The following HSF2BP variants were observed in gnomAD, a reference collection of about 807,000 sequenced individuals.
HSF2BP encodes the protein heat shock factor 2-binding protein.
Under a neutral mutation model 35.0 loss-of-function variants are expected in HSF2BP, and 35 were observed. That is an observed-to-expected ratio of 1.00 (90% CI 0.76 to 1.32). HSF2BP has a LOEUF of 1.32. HSF2BP is among the 40% of genes most tolerant of loss of function. The pLI is 0.00. For synonymous variants in HSF2BP, 114 were observed against 117.4 expected, an observed-to-expected ratio of 0.97 and a Z score of 0.18; for missense variants, 326 against 321.7, an observed-to-expected ratio of 1.01 and a Z score of -0.10.
chr21:43,626,106 A>G (rs902391656), intron 6 of HSF2BP, among the ~76,000 whole-genome samples: 1 of 152,232 alleles, frequency 6.6e-6, no homozygotes, highest in East Asian at 1.9e-4. Context: ...GCCATGATGA[A>G]CGTATAGAAT....
chr21:43,599,686 C>T (rs779168917), intron 7 of HSF2BP, among the ~76,000 whole-genome samples: 5 of 151,514 alleles, frequency 3.3e-5, no homozygotes, highest in East Asian at 1.9e-4. Flanking sequence ...CCCAGCTACT[C>T]GGGAGGCTGA....
intron 6 of HSF2BP, among the ~76,000 whole-genome samples, chr21:43,626,310 C>T (rs973729322): frequency 2.0e-5 from 3 of 151,948 alleles, no homozygotes; most frequent in Non-Finnish European, 2.9e-5. Flanking sequence ...GAGAATTTTC[C>T]TAAGAACAGC....
At chr21:43,658,883 G>A (rs554055913) in intron 1 of HSF2BP, among the ~76,000 whole-genome samples, 2 of 152,290 alleles carry the variant, frequency 1.3e-5, no homozygotes, top group African/African-American at 2.4e-5. Context: ...CCCCAGTGCC[G>A]GCCTTTCCTT....
At chr21:43,584,823 C>T (rs1385134012) in intron 8 of HSF2BP, among the ~76,000 whole-genome samples, 1 of 152,144 alleles carries the variant, frequency 6.6e-6, no homozygotes. Context: ...TCTCAGGATG[C>T]TCACCTGAGG....
At chr21:43,606,260 C>G (rs563023883) in intron 7 of HSF2BP, among the ~76,000 whole-genome samples, 63 of 152,078 alleles carry the variant, frequency 4.1e-4, no homozygotes, top group African/African-American at 1.4e-3. Flanking sequence ...GACGAGAGTC[C>G]GTGCACACAA....
intron 6 of HSF2BP, among the ~76,000 whole-genome samples, chr21:43,627,881 T>G (rs569096647): frequency 2.0e-5 from 3 of 152,238 alleles, no homozygotes; most frequent in African/African-American, 7.2e-5. Flanking sequence ...ATTCTTGCAA[T>G]AGTTGAAACT....
At position 43,656,704 on chromosome 21, in the gene HSF2BP, T is replaced by G. The variant is rs767042536; in HGVS notation, c.70A>C (p.Arg24=). ...MGTKEEFVKV[R]KKDLERLTTE... ...GTCAGCCGTTCCAGATCCTTCTTTC[T>G]GACTTTAACAAATTCCTCTTTAGTT... Residue 24 remains arginine, a synonymous_variant, in exon 3 of 9, where the codon AGA becomes CGA. Transcript: ENST00000291560. 6.2e-7 allele frequency: 1 copy of G among 1,613,996 alleles called. No individual in the cohort carries two copies. The highest frequency in any genetic ancestry group is 1.1e-5 in the South Asian group (1 of 91,012).
chr21:43,580,623 C>T (rs2081713840), intron 8 of HSF2BP, among the ~76,000 whole-genome samples: 2 of 152,186 alleles, frequency 1.3e-5, no homozygotes, highest in South Asian at 4.1e-4. Context: ...AAGATAAAAA[C>T]CACATTTTGT....
At chr21:43,582,143 T>G in intron 8 of HSF2BP, among the ~76,000 whole-genome samples, 1 of 99,578 alleles carries the variant, frequency 1.0e-5, no homozygotes, top group South Asian at 4.1e-4. Context: ...GATGAGGGCC[T>G]GCTGTGGGGA....
At chr21:43,657,900 A>G (rs1251514498) in intron 2 of HSF2BP, 161 bp downstream of exon 2, 33 of 984,954 alleles carry the variant, frequency 3.4e-5, no homozygotes, top group Non-Finnish European at 3.9e-5. Context: ...CCAGGTCTCC[A>G]CCCCGCTCCG....
intron 3 of HSF2BP, among the ~76,000 whole-genome samples, chr21:43,653,808 G>A (rs2082829366): frequency 6.6e-6 from 1 of 152,128 alleles, no homozygotes; most frequent in African/African-American, 2.4e-5. Context: ...GGAGACAGAC[G>A]CAGGCTGATG....
Position 43,658,093 on chromosome 21 carries a change from C to G in HSF2BP, c.4G>C (p.Gly2Arg), listed in dbSNP as rs1422913800. M[G>R]EAGAAEEACR... is the part of the protein sequence containing the mutation. ...GCCTCCTCAGCGGCGCCCGCTTCGCCCATGGCCGCTGCCGCCTCCGCTCCG... is the reference window on the plus strand; with the variant it reads ...GCCTCCTCAGCGGCGCCCGCTTCGCGCATGGCCGCTGCCGCCTCCGCTCCG... Residue 2 changes from glycine (G) to arginine (R), a missense_variant, in exon 2 of 9, where the codon GGC becomes CGC. By Grantham distance (125) the Gly-to-Arg change is moderately radical (BLOSUM62 -2). Coordinates refer to ENST00000291560, the MANE Select transcript of HSF2BP (RefSeq NM_007031.2). 2 of 1,534,574 alleles carry G rather than the reference C, an allele frequency of 1.3e-6. No homozygotes were observed. Among genetic ancestry groups the G allele is most frequent in the South Asian group, 2.4e-5 (2 of 83,800 alleles).
intron 3 of HSF2BP, among the ~76,000 whole-genome samples, chr21:43,652,083 T>G (rs1218515260): frequency 6.6e-6 from 1 of 152,208 alleles, no homozygotes; most frequent in Admixed American, 6.5e-5. Context: ...CTGTATTCAT[T>G]CCTACCTTCA....
chr21:43,651,515 A>C (rs12627667), intron 3 of HSF2BP, among the ~76,000 whole-genome samples: 89,066 of 151,838 alleles, frequency 0.59, 26,504 homozygotes, highest in East Asian at 0.79. Flanking sequence ...CCTATCCTAC[A>C]CTCACCTATA....
chr21:43,576,520 T>C (rs118051675), intron 8 of HSF2BP, among the ~76,000 whole-genome samples: 5 of 152,342 alleles, frequency 3.3e-5, no homozygotes, highest in African/African-American at 7.2e-5. Context: ...CTTCCATTGC[T>C]GTTCATGACA....
chr21:43,571,994 C>T (rs1601601210), intron 8 of HSF2BP, among the ~76,000 whole-genome samples: 2 of 152,202 alleles, frequency 1.3e-5, no homozygotes, highest in African/African-American at 4.8e-5. Context: ...GGTGACCCAA[C>T]AAGAAATGCT....
intron 4 of HSF2BP, among the ~76,000 whole-genome samples, chr21:43,634,423 T>C (rs1017799433): frequency 6.6e-6 from 1 of 152,208 alleles, no homozygotes; most frequent in Non-Finnish European, 1.5e-5. Flanking sequence ...CTGAAAAATA[T>C]AAAACCCCAG....
At chr21:43,576,830 CA>C (rs1375287649) in intron 8 of HSF2BP, among the ~76,000 whole-genome samples, 2 of 152,130 alleles carry the variant, frequency 1.3e-5, no homozygotes, top group African/African-American at 4.8e-5. Flanking sequence ...CCTCAATTCC[CA>C]ATTTCACTTA....
rs1334079271 is a variant in HSF2BP at position 43,645,052 on chromosome 21, T to C, written c.188-660A>G. ...TATCAACTTTAAATTTAAAATTTTA[T>C]GTTGCAGAAATACTGACACTCGAAA... On this transcript the variant is annotated intron_variant, in intron 3 of 8. Transcript: ENST00000291560. Among the ~76,000 whole-genome samples, 5 of 152,232 alleles carry C rather than the reference T, an allele frequency of 3.3e-5. No individual in the cohort carries two copies. The South Asian group carries it at 8.3e-4, about 25-fold the overall frequency.
Sources: gnomAD v4.1 joint callset for allele counts (sites outside exome capture counted in the v4.1 genomes callset) on GRCh38, gnomAD v4.1.1 for gene constraint, MANE v1.5 for transcripts, NCBI Gene and HGNC (gene_info 2026-07-23, HGNC 2026-07-21) for gene names.